The following RPS6KA6 variants were observed in gnomAD, a reference collection of about 807,000 sequenced individuals.
The protein encoded by RPS6KA6 is ribosomal protein S6 kinase alpha-6.
A neutral mutation model predicts 65.4 loss-of-function variants in RPS6KA6; 27 were observed. That is an observed-to-expected ratio of 0.41 (90% CI 0.30 to 0.57). RPS6KA6 has a LOEUF of 0.57. RPS6KA6 is among the 20% of genes least tolerant of loss of function. RPS6KA6 has a pLI of 0.24. For synonymous variants in RPS6KA6, 190 were observed against 184.2 expected, an observed-to-expected ratio of 1.03 and a Z score of -0.26; for missense variants, 486 against 555.6, an observed-to-expected ratio of 0.87 and a Z score of 1.26.
intron 3 of RPS6KA6, among the ~76,000 whole-genome samples, chrX:84,151,225 TATAG>T (rs968653319): frequency 9.8e-6 from 1 of 101,798 alleles, no homozygotes; most frequent in African/African-American, 3.5e-5. Flanking sequence ...TATATATAGA[TATAG>T]ATATATAGGA....
intron 18 of RPS6KA6, among the ~76,000 whole-genome samples, chrX:84,100,963 A>G (rs1286864502): frequency 9.0e-6 from 1 of 110,662 alleles, no homozygotes; most frequent in East Asian, 2.8e-4. Flanking sequence ...AGCTACTTTA[A>G]AATAAAGACT....
chrX:84,176,692 C>A (rs1335906378), intron 1 of RPS6KA6, among the ~76,000 whole-genome samples: 1 of 111,516 alleles, frequency 9.0e-6, no homozygotes, highest in Admixed American at 9.5e-5. Flanking sequence ...TAACACATAC[C>A]TAAAAACACA....
rs748222212 is a variant in RPS6KA6 at position 84,150,691 on chromosome X, T to G, written c.259-2568A>C. Among the ~76,000 whole-genome samples, 5 of 107,292 alleles carry G rather than the reference T, an allele frequency of 4.7e-5. No individual in the cohort carries two copies. The Admixed American group carries it at 5.2e-4, about 11-fold the overall frequency. 93.2% of individuals were successfully genotyped at this position (107,292 alleles called of 115,157 possible). On this transcript the variant is annotated intron_variant, in intron 3 of 21. Coordinates refer to ENST00000262752, the MANE Select transcript of RPS6KA6 (RefSeq NM_014496.5). The stretch of plus-strand genomic sequence containing the variant: ...CCCCGAAACAATGACAACACTAACA[T>G]CAAAGATCACAGACCACAAAGAACC...
intron 2 of RPS6KA6, 26 bp downstream of exon 2, chrX:84,164,302 C>G (rs761470924): frequency 2.6e-5 from 29 of 1,099,404 alleles, no homozygotes; most frequent in Non-Finnish European, 3.6e-5. Context: ...AAAAATGTGG[C>G]TTAATAAATT....
Position 84,120,040 on chromosome X carries a change from T to C in RPS6KA6, c.647-13A>G. On this transcript the variant is annotated splice_polypyrimidine_tract_variant and intron_variant, in intron 8 of 21. Transcript: ENST00000262752. The stretch of plus-strand genomic sequence containing the variant: ...CTGAGTCCAAAATCTATAATAACAG[T>C]ATTACCAAAAAATGTGTCTGAAAAA... 8.9e-7 allele frequency: 1 copy of C among 1,117,617 alleles called. No homozygotes were observed. The highest frequency in any genetic ancestry group is 1.2e-6 in the Non-Finnish European group (1 of 844,039). 92.1% of individuals were successfully genotyped at this position (1,117,617 alleles called of 1,213,427 possible).
rs939837331 is a variant in RPS6KA6, at chrX:84,182,048, C to G, written c.81+5771G>C. Among the ~76,000 whole-genome samples, 80 of 92,317 alleles carry G rather than the reference C, an allele frequency of 8.7e-4. 1 individual carries two copies. The South Asian group carries it at 0.011, about 13-fold the overall frequency. 80.2% of individuals were successfully genotyped at this position (92,317 alleles called of 115,157 possible). A position where few individuals can be genotyped will look rare whatever the true frequency, so the allele number is the denominator to read the frequency against. The stretch of plus-strand genomic sequence containing the variant: ...TCCCTCTTTCTCTGTCTCTCTCTCT[C>G]TCTCTCTCTCTCTCTCACACACACA... On this transcript the variant is annotated intron_variant, in intron 1 of 21. Transcript: ENST00000262752.
chrX:84,167,527 G>A (rs1460315061), intron 1 of RPS6KA6, among the ~76,000 whole-genome samples: 1 of 111,034 alleles, frequency 9.0e-6, no homozygotes, highest in East Asian at 2.8e-4. Flanking sequence ...TTGGTTCAAC[G>A]GGTTGGGGGT....
chrX:84,120,431 T>A (rs1463141978), intron 8 of RPS6KA6, among the ~76,000 whole-genome samples: 5 of 111,745 alleles, frequency 4.5e-5, no homozygotes, highest in African/African-American at 1.6e-4. Flanking sequence ...AGCTTCCATT[T>A]TTGTTCAAAG....
At chrX:84,133,617 T>C (rs765698494) in intron 8 of RPS6KA6, among the ~76,000 whole-genome samples, 1 of 111,423 alleles carries the variant, frequency 9.0e-6, no homozygotes, top group Admixed American at 9.6e-5. Flanking sequence ...TAGGTTTTTT[T>C]CTACTCTTTT....
chrX:84,178,635 T>G (rs974585032), intron 1 of RPS6KA6, among the ~76,000 whole-genome samples: 1 of 111,223 alleles, frequency 9.0e-6, no homozygotes, highest in Non-Finnish European at 1.9e-5. Context: ...TACACATATG[T>G]GACAAAATGA....
intron 8 of RPS6KA6, among the ~76,000 whole-genome samples, chrX:84,132,914 GAA>G (rs66529748): frequency 2.0e-5 from 2 of 98,624 alleles, no homozygotes; most frequent in East Asian, 3.1e-4. Context: ...GTGGACTAGT[GAA>G]AAAAAAAAAA....
At chrX:84,146,863 GTC>G (rs1391656632) in intron 5 of RPS6KA6, 113 bp downstream of exon 5, 6 of 387,998 alleles carry the variant, frequency 1.5e-5, no homozygotes, top group Non-Finnish European at 2.6e-5. Flanking sequence ...AATATACTAA[GTC>G]TAAAGTATTT....
At chrX:84,111,483 A>G (rs1457570938) in intron 12 of RPS6KA6, among the ~76,000 whole-genome samples, 1 of 111,960 alleles carries the variant, frequency 8.9e-6, no homozygotes, top group Non-Finnish European at 1.9e-5. Context: ...TCAGACTGAC[A>G]GTGGACTTCT....
chrX:84,138,078 T>G (rs1186474572), intron 6 of RPS6KA6, among the ~76,000 whole-genome samples: 2 of 111,943 alleles, frequency 1.8e-5, no homozygotes, highest in African/African-American at 6.5e-5. Context: ...TATTTTTGTA[T>G]ATGGTAGAGA....
At chrX:84,150,083 CT>C (rs145469040) in intron 3 of RPS6KA6, among the ~76,000 whole-genome samples, 60,497 of 110,120 alleles carry the variant, frequency 0.55, 13,667 homozygotes, top group Non-Finnish European at 0.71. Context: ...GGCTTCTTTC[CT>C]TTTTCTCTTC....
At chrX:84,068,757 A>C (rs545304532) in intron 20 of RPS6KA6, among the ~76,000 whole-genome samples, 1 of 111,883 alleles carries the variant, frequency 8.9e-6, no homozygotes, top group East Asian at 2.8e-4. Flanking sequence ...AAAAATCACA[A>C]ATATTCCTAC....
chrX:84,098,895 T>C (rs1270456599), intron 18 of RPS6KA6, among the ~76,000 whole-genome samples: 1 of 111,649 alleles, frequency 9.0e-6, no homozygotes, highest in Non-Finnish European at 1.9e-5. Context: ...TATAAAGTAC[T>C]TAACAAATAA....
At position 84,166,543 on chromosome X, in the gene RPS6KA6, TGAA is replaced by T. The variant is rs901148161; in HGVS notation, c.82-2159_82-2157del. Among the ~76,000 whole-genome samples, 8 of 111,195 alleles carry T rather than the reference TGAA, an allele frequency of 7.2e-5. No individual in the cohort carries two copies. In the Admixed American group the frequency reaches 7.7e-4, roughly 11 times the overall value. ...ACAGATCAATAGATGTCATCCAATA[TGAA>T]GAAAAGAGTGAAAATGATGAAAAAT... On this transcript the variant is annotated intron_variant, in intron 1 of 21. Transcript: ENST00000262752.
intron 12 of RPS6KA6, 39 bp downstream of exon 12, chrX:84,116,190 T>C (rs768946939): frequency 5.0e-6 from 4 of 798,527 alleles, no homozygotes; most frequent in Non-Finnish European, 7.5e-6. Context: ...GTGTTGGTCA[T>C]ATGAAGTTAT....
Sources: gnomAD v4.1 joint callset for allele counts (sites outside exome capture counted in the v4.1 genomes callset) on GRCh38, gnomAD v4.1.1 for gene constraint, MANE v1.5 for transcripts, NCBI Gene and HGNC (gene_info 2026-07-23, HGNC 2026-07-21) for gene names.